Variants in AGPAT3 observed in about 807,000 individuals in gnomAD.
The protein encoded by AGPAT3 is 1-acylglycerol-3-phosphate O-acyltransferase 3, also known as 1-acyl-sn-glycerol-3-phosphate acyltransferase gamma.
A neutral mutation model predicts 47.3 loss-of-function variants in AGPAT3; 5 were observed. That is an observed-to-expected ratio of 0.11 (90% confidence interval 0.06 to 0.22). The LOEUF is 0.22. AGPAT3 is among the 10% of genes least tolerant of loss of function. The pLI is 1.00. For synonymous variants in AGPAT3, 212 were observed against 208.3 expected (o/e 1.02, Z -0.15); for missense variants, 315 against 493.0 (o/e 0.64, Z 3.42).
chr21:43,934,855 ACTCACATG>A lies in AGPAT3; in HGVS notation c.-48-24777_-48-24770del. ...ACGTCACCGACGCCACTCACATGCC[ACTCACATG>A]CCATTGACACGCCACCCACGCCACT... On this transcript the variant is annotated intron_variant, in intron 2 of 9. Transcript: ENST00000291572. This position sits in a 1 kb window ranked among gnomAD's most constrained non-coding sequence, Gnocchi z 4.7. Among the ~76,000 whole-genome samples, 1 of 139,144 alleles carries A rather than the reference ACTCACATG, an allele frequency of 7.2e-6. No homozygotes were observed. The highest frequency in any genetic ancestry group is 2.8e-5 in the African/African-American group (1 of 35,844). The allele number at this position is 139,144 out of a possible 152,430, so 91.3% of individuals were successfully genotyped here. A position where few individuals can be genotyped will look rare whatever the true frequency, so the allele number is the denominator to read the frequency against.
At position 43,939,547 on chromosome 21, in the gene AGPAT3, C is replaced by A. The variant is rs764910858; in HGVS notation, c.-48-20087C>A. Among the ~76,000 whole-genome samples, 5 of 152,200 alleles carry A rather than the reference C, an allele frequency of 3.3e-5. No homozygotes were observed. The highest frequency in any genetic ancestry group is 7.3e-5 in the Non-Finnish European group (5 of 68,030). On this transcript the variant is annotated intron_variant, in intron 2 of 9. Transcript: ENST00000291572. This position sits in a 1 kb window ranked among gnomAD's most constrained non-coding sequence, Gnocchi z 4.4. Reference sequence around the variant, plus strand: ...GCTCTGAACATGGGACCCGGAGCACCACCGTTTAGCAAACCTTGCTGCAGT... The same window carrying A: ...GCTCTGAACATGGGACCCGGAGCACAACCGTTTAGCAAACCTTGCTGCAGT...
At chr21:43,924,786 C>A (rs1356169855) in intron 2 of AGPAT3, among the ~76,000 whole-genome samples, 1 of 152,194 alleles carries the variant, frequency 6.6e-6, no homozygotes, top group African/African-American at 2.4e-5. Flanking sequence ...CACCCTGCCG[C>A]AAGGGGCTTG....
intron 2 of AGPAT3, among the ~76,000 whole-genome samples, chr21:43,906,434 C>T (rs2086496616): frequency 6.6e-6 from 1 of 152,104 alleles, no homozygotes; most frequent in Admixed American, 6.5e-5. Context: ...TAATAAACAT[C>T]TGAAAAGGCA....
At chr21:43,917,196 G>A (rs1285769322) in intron 2 of AGPAT3, among the ~76,000 whole-genome samples, 1 of 75,828 alleles carries the variant, frequency 1.3e-5, no homozygotes, top group Admixed American at 2.0e-4. Context: ...CACACGTACC[G>A]CTGTCAGCCT....
chr21:43,978,136 C>T lies in AGPAT3; in HGVS notation c.843+15C>T. On this transcript the variant is annotated intron_variant, in intron 8 of 9. Coordinates refer to ENST00000291572, the MANE Select transcript of AGPAT3 (RefSeq NM_020132.5). Reference sequence around the variant, plus strand: ...ACCAGGAGAAGGTAAGCAGGCTCTGCTCCCGCTCAGGGTCCCGGTCTCCTG... The same window carrying T: ...ACCAGGAGAAGGTAAGCAGGCTCTGTTCCCGCTCAGGGTCCCGGTCTCCTG... The T allele has an allele frequency of 1.2e-6, 2 of 1,610,968 alleles. No homozygotes were observed. Among genetic ancestry groups the T allele is most frequent in the Non-Finnish European group, 1.7e-6 (2 of 1,178,932 alleles).
chr21:43,903,661 C>A (rs910406008), intron 1 of AGPAT3, among the ~76,000 whole-genome samples: 44 of 152,342 alleles, frequency 2.9e-4, no homozygotes, highest in African/African-American at 1.1e-3. Context: ...GGTGGCTTTT[C>A]CGTGTCCTTC....
At chr21:43,890,356 C>T (rs957577708) in intron 1 of AGPAT3, among the ~76,000 whole-genome samples, 6 of 152,194 alleles carry the variant, frequency 3.9e-5, no homozygotes, top group African/African-American at 1.4e-4. Context: ...CACCATGCTT[C>T]TGAAACAGGG....
chr21:43,957,110 C>T (rs564081019), intron 2 of AGPAT3, among the ~76,000 whole-genome samples: 77 of 152,308 alleles, frequency 5.1e-4, no homozygotes, highest in Middle Eastern at 3.4e-3. Flanking sequence ...AGGTTGAGAA[C>T]GTCCAAGGGT....
Position 43,987,033 on chromosome 21 carries a change from C to G in AGPAT3, c.*4641C>G, listed in dbSNP as rs185225918. On this transcript the variant is annotated 3_prime_UTR_variant, in exon 10 of 10. Coordinates refer to ENST00000291572, the MANE Select transcript of AGPAT3 (RefSeq NM_020132.5). ...GTACACAGGCAGGTGTGCGCCTGCC[C>G]GAGCGCGAGTAGCTCTTGTGTAGTG... Among the ~76,000 whole-genome samples, 1 of 152,298 alleles carries G rather than the reference C, an allele frequency of 6.6e-6. No individual in the cohort carries two copies. Among genetic ancestry groups the G allele is most frequent in the East Asian group, 1.9e-4 (1 of 5,184 alleles).
At chr21:43,963,695 GA>G (rs1485146306) in intron 3 of AGPAT3, among the ~76,000 whole-genome samples, 1 of 133,960 alleles carries the variant, frequency 7.5e-6, no homozygotes, top group Non-Finnish European at 1.6e-5. Context: ...GTGACAGAGT[GA>G]GACTCTGTCT....
intron 1 of AGPAT3, among the ~76,000 whole-genome samples, chr21:43,889,236 C>T (rs1038079583): frequency 6.6e-6 from 1 of 151,286 alleles, no homozygotes; most frequent in Non-Finnish European, 1.5e-5. Flanking sequence ...AGGGTCCTCA[C>T]CAAAGGGAAA....
chr21:43,897,422 C>T (rs868748037), intron 1 of AGPAT3, among the ~76,000 whole-genome samples: 14 of 151,956 alleles, frequency 9.2e-5, no homozygotes, highest in African/African-American at 2.2e-4. Context: ...CTTTTCTATT[C>T]GACAAAACCG....
intron 2 of AGPAT3, among the ~76,000 whole-genome samples, chr21:43,949,458 C>T (rs1017865586): frequency 6.6e-6 from 1 of 152,226 alleles, no homozygotes; most frequent in Non-Finnish European, 1.5e-5. Flanking sequence ...GCCCAAGCCA[C>T]CACCTCTGAT....
Position 43,959,240 on chromosome 21 carries a change from TGTG to T in AGPAT3, c.-48-390_-48-388del, listed in dbSNP as rs201005811. On this transcript the variant is annotated intron_variant, in intron 2 of 9. Transcript: ENST00000291572. ...TGTGGGGTTTGTGATGTGGTGTGTGTGTGGTGTGTGGTTTGCGGTGTGTGTGGC... is the reference window on the plus strand; with the variant it reads ...TGTGGGGTTTGTGATGTGGTGTGTGTGTGTGTGGTTTGCGGTGTGTGTGGC... Among the ~76,000 whole-genome samples the T allele has an allele frequency of 3.1e-4, 41 of 130,576 alleles. No homozygotes were observed. In the East Asian group the frequency reaches 7.0e-3, roughly 22 times the overall value. 85.7% of individuals were successfully genotyped at this position (130,576 alleles called of 152,430 possible).
chr21:43,920,727 C>T lies in AGPAT3; in HGVS notation c.-49+16708C>T, dbSNP rs538553827. Among the ~76,000 whole-genome samples, 6 of 152,130 alleles carry T rather than the reference C, an allele frequency of 3.9e-5. No individual in the cohort carries two copies. The highest frequency in any genetic ancestry group is 7.4e-5 in the Non-Finnish European group (5 of 68,024). On this transcript the variant is annotated intron_variant, in intron 2 of 9. Transcript: ENST00000291572. The surrounding 1 kb of genome is among the most constrained non-coding windows in gnomAD (Gnocchi z 6.1). ...AGGCTGCTAAGCACGGGGAGGTTCCCGGAGGGTGGAGCCCTGGGGAGGGTA... is the reference window on the plus strand; with the variant it reads ...AGGCTGCTAAGCACGGGGAGGTTCCTGGAGGGTGGAGCCCTGGGGAGGGTA...
At position 43,955,561 on chromosome 21, in the gene AGPAT3, T is replaced by TC. The variant is rs1284855039; in HGVS notation, c.-48-4072dup. On this transcript the variant is annotated intron_variant, in intron 2 of 9. Coordinates refer to ENST00000291572, the MANE Select transcript of AGPAT3 (RefSeq NM_020132.5). The surrounding 1 kb of genome is among the most constrained non-coding windows in gnomAD (Gnocchi z 4.1). Reference sequence around the variant, plus strand: ...TTCCTGCCTCGGCCTCCCAAAGTGCTCAGATTACAGGTGTGAGCCACCGCG... The same window carrying TC: ...TTCCTGCCTCGGCCTCCCAAAGTGCTCCAGATTACAGGTGTGAGCCACCGCG... 6.6e-6 allele frequency among the ~76,000 whole-genome samples: 1 copy of TC among 152,020 alleles called. No homozygotes were observed. Among genetic ancestry groups the TC allele is most frequent in the Non-Finnish European group, 1.5e-5 (1 of 67,992 alleles).
At position 43,878,495 on chromosome 21, in the gene AGPAT3, C is replaced by T. The variant is rs117579972; in HGVS notation, c.-112+13150C>T. ...CAGCCCTGTCAATGGACACTGATGCCGCTCCGTTTTCCCAGTTATAAATAT... is the reference window on the plus strand; with the variant it reads ...CAGCCCTGTCAATGGACACTGATGCTGCTCCGTTTTCCCAGTTATAAATAT... On this transcript the variant is annotated intron_variant, in intron 1 of 9. Coordinates refer to ENST00000291572, the MANE Select transcript of AGPAT3 (RefSeq NM_020132.5). 9.8e-5 allele frequency among the ~76,000 whole-genome samples: 15 copies of T among 152,316 alleles called. No individual in the cohort carries two copies. The East Asian group carries it at 1.9e-3, about 20-fold the overall frequency.
intron 1 of AGPAT3, among the ~76,000 whole-genome samples, chr21:43,892,910 C>T (rs947160551): frequency 2.9e-4 from 44 of 152,074 alleles, no homozygotes; most frequent in African/African-American, 1.0e-3. Flanking sequence ...AGCTGGGCAA[C>T]GTGACAAAAT....
chr21:43,865,423 C>CCCG (rs1222988209), intron 1 of AGPAT3, 78 bp downstream of exon 1: 3 of 146,696 alleles, frequency 2.0e-5, no homozygotes, highest in Non-Finnish European at 4.5e-5. Context: ...AGGTCGCCCT[C>CCCG]CCGCCGCCGG....
Sources: allele counts gnomAD v4.1 joint callset (sites outside exome capture counted in the v4.1 genomes callset), GRCh38; gene constraint gnomAD v4.1.1; non-coding constraint Gnocchi (gnomAD v3.1); transcripts MANE v1.5; gene names NCBI Gene and HGNC (gene_info 2026-07-23, HGNC 2026-07-21).